Variants in ACADS observed in about 807,000 individuals in gnomAD.
The protein encoded by ACADS is short-chain specific acyl-CoA dehydrogenase, mitochondrial.
A neutral mutation model predicts 46.8 loss-of-function variants in ACADS; 28 were observed. The ratio of observed to expected loss-of-function variants is 0.60; its 90% confidence interval spans 0.44 to 0.82. The LOEUF is 0.82. Among genes scored for constraint, ACADS ranks in the 40% least tolerant of loss-of-function variants. The pLI is 0.00. For synonymous variants in ACADS, 236 were observed against 237.7 expected (o/e 0.99, Z 0.07); for missense variants, 528 against 578.0 (o/e 0.91, Z 0.89).
rs1320402926 is a variant in ACADS, at chr12:120,734,297, CCA to C, written c.211-2683_211-2682del. On this transcript the variant is annotated intron_variant, in intron 2 of 9. Coordinates refer to ENST00000242592, the MANE Select transcript of ACADS (RefSeq NM_000017.4). ...TGGGCGGTTGCTGTCATGCTGCCTT[CCA>C]CACACTGGCCATCTCCTTCCCAGCT... 2.0e-5 allele frequency among the ~76,000 whole-genome samples: 3 copies of C among 152,224 alleles called. No homozygotes were observed. The South Asian group carries it at 6.2e-4, about 32-fold the overall frequency.
chr12:120,738,534 A>G lies in ACADS; in HGVS notation c.797A>G (p.Gln266Arg). 1 of 1,609,158 alleles carries G rather than the reference A, an allele frequency of 6.2e-7. No homozygotes were observed. The highest frequency in any genetic ancestry group is 8.5e-7 in the Non-Finnish European group (1 of 1,179,804). Residue 266 changes from glutamine to arginine, a missense_variant and splice_region_variant, in exon 7 of 10, where the codon CAA becomes CGA. By Grantham distance (43) the Gln-to-Arg change is conservative. Transcript: ENST00000242592. The stretch of plus-strand genomic sequence containing the variant: ...CACTGACCAGGGCGGTCCCCACAGC[A>G]AACCCTGGACATGGGCCGCATCGGC... ...EPGMGFKIAM[Q>R]TLDMGRIGIA...
chr12:120,726,123 G>C (rs977531499), intron 1 of ACADS, among the ~76,000 whole-genome samples, 192 bp downstream of exon 1: 1 of 150,870 alleles, frequency 6.6e-6, no homozygotes, highest in African/African-American at 2.4e-5. Context: ...CCTGGTTCCT[G>C]CACAGACCCC....
At chr12:120,733,216 G>GT (rs1474984890) in intron 2 of ACADS, among the ~76,000 whole-genome samples, 1 of 151,970 alleles carries the variant, frequency 6.6e-6, no homozygotes, top group African/African-American at 2.4e-5. Context: ...ACCGTGGAAA[G>GT]AGAGGGAGAG....
chr12:120,729,230 C>T (rs572949134), intron 2 of ACADS, among the ~76,000 whole-genome samples: 2 of 151,520 alleles, frequency 1.3e-5, no homozygotes, highest in African/African-American at 4.9e-5. Flanking sequence ...CCATTTTTTT[C>T]CCTTGACTGC....
At position 120,737,059 on chromosome 12, in the gene ACADS, A is replaced by G. The variant is rs369400082; in HGVS notation, c.284A>G (p.Tyr95Cys). The stretch of plus-strand genomic sequence containing the variant: ...GAGCTTGGCGGTGCTGGCCTCGATT[A>G]CCTGGCCTACGCCATCGCCATGGAG... Reference protein sequence around the residue: ...PEELGGAGLDYLAYAIAMEEI... With the variant: ...PEELGGAGLDCLAYAIAMEEI... Residue 95 changes from tyrosine to cysteine, a missense_variant, in exon 3 of 10, where the codon TAC becomes TGC. By Grantham distance (194) the Tyr-to-Cys change is radical (BLOSUM62 -2). Coordinates refer to ENST00000242592, the MANE Select transcript of ACADS (RefSeq NM_000017.4). 1.2e-5 allele frequency: 20 copies of G among 1,605,800 alleles called. No individual in the cohort carries two copies. In the African/African-American group the frequency reaches 2.4e-4, roughly 19 times the overall value.
At chr12:120,737,612 G>A (rs547703165) in intron 4 of ACADS, 145 bp downstream of exon 4, 13 of 1,045,298 alleles carry the variant, frequency 1.2e-5, no homozygotes, top group African/African-American at 7.9e-5. Context: ...TTGCCACCGC[G>A]GCGCTGGGAG....
At chr12:120,733,334 C>G (rs1883327049) in intron 2 of ACADS, among the ~76,000 whole-genome samples, 1 of 151,718 alleles carries the variant, frequency 6.6e-6, no homozygotes, top group African/African-American at 2.4e-5. Flanking sequence ...CTCCTGACCT[C>G]AGGTGATCCA....
chr12:120,730,045 C>T lies in ACADS; in HGVS notation c.210+2856C>T, dbSNP rs575181115. Among the ~76,000 whole-genome samples the T allele has an allele frequency of 1.5e-3, 232 of 152,094 alleles. 1 individual carries two copies. Among genetic ancestry groups the T allele is most frequent in the African/African-American group, 5.4e-3 (226 of 41,474 alleles). ...GTCCCCAGGCTGGAGTACAGTGGTG[C>T]GATCTCGGCTCACTGTAGCCTTTGC... On this transcript the variant is annotated intron_variant, in intron 2 of 9. Coordinates refer to ENST00000242592, the MANE Select transcript of ACADS (RefSeq NM_000017.4).
rs141609149 is a variant in ACADS, at chr12:120,733,945, C to T, written c.211-3041C>T. ...AGTTACTCAACCCGAGTCAGGCATCCAGTGTGGGTCCCACAGGGCTAAATC... is the reference window on the plus strand; with the variant it reads ...AGTTACTCAACCCGAGTCAGGCATCTAGTGTGGGTCCCACAGGGCTAAATC... On this transcript the variant is annotated intron_variant, in intron 2 of 9. Transcript: ENST00000242592. 7.9e-5 allele frequency among the ~76,000 whole-genome samples: 12 copies of T among 152,216 alleles called. No individual in the cohort carries two copies. The East Asian group carries it at 2.3e-3, about 29-fold the overall frequency.
rs1343734145 is a variant in ACADS at position 120,728,985 on chromosome 12, C to CTCAT, written c.210+1797_210+1800dup. Among the ~76,000 whole-genome samples the CTCAT allele has an allele frequency of 6.6e-6, 1 of 152,152 alleles. No homozygotes were observed. Among genetic ancestry groups the CTCAT allele is most frequent in the East Asian group, 1.9e-4 (1 of 5,192 alleles). On this transcript the variant is annotated intron_variant, in intron 2 of 9. Coordinates refer to ENST00000242592, the MANE Select transcript of ACADS (RefSeq NM_000017.4). The surrounding 1 kb of genome is among the most constrained non-coding windows in gnomAD (Gnocchi z 4.0). ...GAGTCTGGAGACCACCAGGCTCAGC[C>CTCAT]TCATCAGTGCTGTTGCCTCTTCTCA...
chr12:120,726,139 C>T (rs376553427), intron 1 of ACADS, among the ~76,000 whole-genome samples: 5 of 151,304 alleles, frequency 3.3e-5, no homozygotes, highest in Non-Finnish European at 5.9e-5. Context: ...ACCCCTACCC[C>T]CCGATTGACC....
Position 120,728,566 on chromosome 12 carries a change from G to A in ACADS, c.210+1377G>A, listed in dbSNP as rs1228154091. 1.3e-5 allele frequency among the ~76,000 whole-genome samples: 2 copies of A among 151,032 alleles called. No homozygotes were observed. The highest frequency in any genetic ancestry group is 1.5e-5 in the Non-Finnish European group (1 of 67,882). On this transcript the variant is annotated intron_variant, in intron 2 of 9. Coordinates refer to ENST00000242592, the MANE Select transcript of ACADS (RefSeq NM_000017.4). The surrounding 1 kb of genome is among the most constrained non-coding windows in gnomAD (Gnocchi z 4.0). The stretch of plus-strand genomic sequence containing the variant: ...TGTCACCAGGTTGGAGTGCAGTGGC[G>A]CGATCTCGGCTCACTGCAACCTCCG...
chr12:120,727,136 T>C lies in ACADS; in HGVS notation c.157T>C (p.Leu53=). 6.2e-7 allele frequency: 1 copy of C among 1,613,426 alleles called. No homozygotes were observed. The highest frequency in any genetic ancestry group is 1.1e-5 in the South Asian group (1 of 91,008). Residue 53 remains leucine, a synonymous_variant, in exon 2 of 10, where the codon TTG becomes CTG. Transcript: ENST00000242592. ...ATGCCGGGACTTTGCCGAGAAGGAG[T>C]TGTTTCCCATTGCAGCCCAGGTGGA... ...QTCRDFAEKE[L]FPIAAQVDKE...
intron 3 of ACADS, 52 bp downstream of exon 3, chr12:120,737,187 G>A (rs1316359655): frequency 1.3e-6 from 2 of 1,551,694 alleles, no homozygotes. Context: ...AGGCTCCCGT[G>A]AGCGGGCAGG....
At chr12:120,730,691 C>A (rs1883221016) in intron 2 of ACADS, among the ~76,000 whole-genome samples, 2 of 152,162 alleles carry the variant, frequency 1.3e-5, no homozygotes, top group African/African-American at 4.8e-5. Context: ...ATTTGGGTTC[C>A]CACTGTGTTT....
At chr12:120,737,617 TGGGA>T (rs1210819310) in intron 4 of ACADS, 150 bp downstream of exon 4, 3 of 1,052,614 alleles carry the variant, frequency 2.9e-6, no homozygotes, top group Admixed American at 4.1e-5. Context: ...ACCGCGGCGC[TGGGA>T]GGAAGATTGC....
rs748174528 is a variant in ACADS, at chr12:120,738,273, C to T, written c.625-7C>T. The T allele has an allele frequency of 2.4e-5, 38 of 1,614,046 alleles. No homozygotes were observed. The highest frequency in any genetic ancestry group is 6.7e-5 in the Admixed American group (4 of 60,012). On this transcript the variant is annotated splice_region_variant and splice_polypyrimidine_tract_variant and intron_variant, in intron 5 of 9. Coordinates refer to ENST00000242592, the MANE Select transcript of ACADS (RefSeq NM_000017.4). Reference sequence around the variant, plus strand: ...GCTCTGAGAAAACCACCCGCCTCTCCTTTCAGGGCATCAGTGCCTTCCTGG... The same window carrying T: ...GCTCTGAGAAAACCACCCGCCTCTCTTTTCAGGGCATCAGTGCCTTCCTGG...
chr12:120,737,235 C>G, intron 3 of ACADS, 100 bp downstream of exon 3: 1 of 1,530,296 alleles, frequency 6.5e-7, no homozygotes, highest in Non-Finnish European at 8.8e-7. Context: ...TCTCTGGAGA[C>G]GTCACAGGCC....
At chr12:120,733,630 C>G (rs956213191) in intron 2 of ACADS, among the ~76,000 whole-genome samples, 1 of 143,304 alleles carries the variant, frequency 7.0e-6, no homozygotes, top group Non-Finnish European at 1.6e-5. Context: ...TGAGCAGGAC[C>G]CCCCTCCCCA....
Sources: allele counts gnomAD v4.1 joint callset (sites outside exome capture counted in the v4.1 genomes callset), GRCh38; gene constraint gnomAD v4.1.1; non-coding constraint Gnocchi (gnomAD v3.1); transcripts MANE v1.5; gene names NCBI Gene and HGNC (gene_info 2026-07-23, HGNC 2026-07-21).